The following HEATR5B variants were observed in gnomAD, a reference collection of about 807,000 sequenced individuals.
The protein encoded by HEATR5B is HEAT repeat containing 5B.
In HEATR5B, 156 loss-of-function variants were observed where a neutral mutation model predicts 224.1. That is an observed-to-expected ratio of 0.70 (90% CI 0.61 to 0.80). The LOEUF is 0.80. Ranked by LOEUF, HEATR5B falls within the 30% of genes least tolerant of loss-of-function variation. The probability of loss-of-function intolerance (pLI) is 0.00; values close to 1 mark genes in which losing one functional copy is unlikely to be tolerated. For synonymous variants in HEATR5B, 1,027 were observed against 893.0 expected (o/e 1.15, Z -2.68); for missense variants, 2,323 against 2,535.5 (o/e 0.92, Z 1.80).
At chr2:37,082,669 G>A (rs551059791) in intron 2 of HEATR5B, among the ~76,000 whole-genome samples, 15 of 152,148 alleles carry the variant, frequency 9.9e-5, no homozygotes, top group Non-Finnish European at 1.9e-4. Flanking sequence ...ATACCCCTTC[G>A]TTTCCCATAA....
At chr2:37,064,715 C>A (rs1671483678) in intron 10 of HEATR5B, 25 bp downstream of exon 10, 1 of 1,610,554 alleles carries the variant, frequency 6.2e-7, no homozygotes, top group Non-Finnish European at 8.5e-7. Context: ...TGACAGCATT[C>A]CCAAGTCTAG....
At chr2:37,083,149 A>G in intron 2 of HEATR5B, 140 bp downstream of exon 2, 2 of 902,222 alleles carry the variant, frequency 2.2e-6, no homozygotes, top group Admixed American at 2.2e-5. Context: ...TTTTGCCACT[A>G]AATTTCCCAT....
intron 18 of HEATR5B, among the ~76,000 whole-genome samples, chr2:37,046,446 C>A (rs535589571): frequency 6.6e-6 from 1 of 152,036 alleles, no homozygotes; most frequent in Non-Finnish European, 1.5e-5. Context: ...TGAGACCAGC[C>A]TGGCCAACAT....
Position 37,057,300 on chromosome 2 carries a change from T to C in HEATR5B, c.2223+17A>G, listed in dbSNP as rs1670973974. On this transcript the variant is annotated intron_variant, in intron 15 of 35. Coordinates refer to ENST00000233099, the MANE Select transcript of HEATR5B (RefSeq NM_019024.3). ...TTCAGATTAAGTTAGTATTTCATTT[T>C]CCTCTATGTTTATTACCTGGTCTTC... 1.3e-6 allele frequency: 2 copies of C among 1,566,700 alleles called. No individual in the cohort carries two copies. The highest frequency in any genetic ancestry group is 2.8e-5 in the African/African-American group (2 of 72,614).
Position 37,061,969 on chromosome 2 carries a change from A to G in HEATR5B, c.1666T>C (p.Trp556Arg), listed in dbSNP as rs1671306613. The G allele has an allele frequency of 6.2e-7, 1 of 1,613,722 alleles. No homozygotes were observed. Among genetic ancestry groups the G allele is most frequent in the South Asian group, 1.1e-5 (1 of 91,082 alleles). Residue 556 changes from tryptophan (W) to arginine (R), a missense_variant, in exon 11 of 36, where the codon TGG becomes CGG. Physicochemically the swap from Trp to Arg is moderately radical, Grantham distance 101 (BLOSUM62 -3). Around this residue, in one of 12 missense-constraint regions of HEATR5B, gnomAD observed 502 missense variants for 517.8 expected, o/e 0.97. Coordinates refer to ENST00000233099, the MANE Select transcript of HEATR5B (RefSeq NM_019024.3). ...RLSLQRTQAG[W>R]LLLGALMTLG... Reference sequence around the variant, plus strand: ...GTCATAAGTGCTCCAAGTAAAAGCCAGCCAGCTTGGGTGCGCTGTAAAGAT... The same window carrying G: ...GTCATAAGTGCTCCAAGTAAAAGCCGGCCAGCTTGGGTGCGCTGTAAAGAT...
chr2:37,014,014 T>G lies in HEATR5B; in HGVS notation c.4111A>C (p.Ser1371Arg). The G allele has an allele frequency of 6.4e-7, 1 of 1,564,456 alleles. No homozygotes were observed. Among genetic ancestry groups the G allele is most frequent in the East Asian group, 2.3e-5 (1 of 43,736 alleles). Residue 1371 changes from serine (S) to arginine (R), a missense_variant, in exon 27 of 36, where the codon AGT (serine) becomes CGT (arginine). Ser to Arg is a moderately radical substitution (Grantham distance 110). This residue lies in a region of HEATR5B where 339 missense variants were observed against 378.4 expected (regional missense o/e 0.90). Transcript: ENST00000233099. ...DIIAKACQVC[S>R]TWIGSGVVSD... ...ACAACTCCACTTCCTATCCATGTAC[T>G]ACATACCTAGACAAAGAGAATTCAA...
Position 37,041,132 on chromosome 2 carries a change from C to T in HEATR5B, c.2856+1G>A. 1 of 1,611,248 alleles carries T rather than the reference C, an allele frequency of 6.2e-7. No homozygotes were observed. The highest frequency in any genetic ancestry group is 8.5e-7 in the Non-Finnish European group (1 of 1,178,392). On this transcript the variant is annotated splice_donor_variant, in intron 19 of 35. Transcript: ENST00000233099. LOFTEE classifies it high-confidence loss of function. Reference sequence around the variant, plus strand: ...TAATAAAAAAACCAATTATATTATACCTGGACTTCAGGGGATGTCCCATCT... The same window carrying T: ...TAATAAAAAAACCAATTATATTATATCTGGACTTCAGGGGATGTCCCATCT...
intron 21 of HEATR5B, among the ~76,000 whole-genome samples, chr2:37,034,180 G>C (rs1020910323): frequency 1.3e-5 from 2 of 150,274 alleles, no homozygotes; most frequent in Admixed American, 1.3e-4. Context: ...CTAATTTTTT[G>C]TATTTTTAGT....
At chr2:37,056,394 CATAATAT>C in intron 16 of HEATR5B, 39 bp downstream of exon 16, 1 of 1,376,682 alleles carries the variant, frequency 7.3e-7, no homozygotes, top group African/African-American at 1.5e-5. Context: ...TTTCGTTTAA[CATAATAT>C]ATATTTAACA....
At chr2:37,066,132 C>T (rs1169777729) in intron 8 of HEATR5B, among the ~76,000 whole-genome samples, 1 of 152,164 alleles carries the variant, frequency 6.6e-6, no homozygotes, top group Non-Finnish European at 1.5e-5. Context: ...TGAGATACAT[C>T]TTTGCTTCCA....
chr2:37,072,280 C>T lies in HEATR5B; in HGVS notation c.599G>A (p.Cys200Tyr). The change falls in exon 6 of 36, where the codon TGT (cysteine) becomes TAT (tyrosine). Residue 200 changes from cysteine (C) to tyrosine (Y), a missense_variant and splice_region_variant. Physicochemically the swap from Cys to Tyr is radical, Grantham distance 194. Transcript: ENST00000233099. ...SMAVRCAVAK[C>Y]LLELQNEAVF... ...AGCTTCATTCTGTAGTTCTAGTAGA[C>T]ACTGGAATTAAAAACAAAAAAGTAA... 3.1e-6 allele frequency: 5 copies of T among 1,595,816 alleles called. No homozygotes were observed. Among genetic ancestry groups the T allele is most frequent in the Non-Finnish European group, 4.3e-6 (5 of 1,168,236 alleles).
intron 21 of HEATR5B, among the ~76,000 whole-genome samples, chr2:37,033,385 T>C (rs182955071): frequency 7.2e-5 from 11 of 152,304 alleles, no homozygotes; most frequent in Non-Finnish European, 7.3e-5. Flanking sequence ...TCCAGAAGGA[T>C]CTTCTGCACA....
At chr2:37,078,927 T>C (rs1203253963) in intron 3 of HEATR5B, among the ~76,000 whole-genome samples, 193 bp downstream of exon 3, 1 of 152,186 alleles carries the variant, frequency 6.6e-6, no homozygotes, top group Non-Finnish European at 1.5e-5. Flanking sequence ...ATATTCCCAT[T>C]TGTATTCCAG....
intron 32 of HEATR5B, among the ~76,000 whole-genome samples, chr2:37,001,256 G>C (rs569923823): frequency 6.6e-5 from 10 of 152,176 alleles, no homozygotes; most frequent in South Asian, 6.2e-4. Context: ...GAAAGTAAAA[G>C]GACTACTGGG....
intron 26 of HEATR5B, among the ~76,000 whole-genome samples, chr2:37,017,687 C>CAAAAAAAAAAA (rs1056240189): frequency 1.6e-5 from 1 of 61,696 alleles, no homozygotes; most frequent in Non-Finnish European, 2.9e-5. Flanking sequence ...AATTCCGTCT[C>CAAAAAAAAAAA]AAAAAAAAAA....
Position 37,005,766 on chromosome 2 carries a change from T to C in HEATR5B, c.4778-7A>G, listed in dbSNP as rs6708710. 19,917 of 1,562,148 alleles carry C rather than the reference T, an allele frequency of 0.013. 2,276 individuals are homozygous for C. The African/African-American group carries it at 0.24, about 19-fold the overall frequency. ...AGAAACTGTATACTCACACCTGAAATGCACAAAATAAAAACATGTTTTTTC... is the reference window on the plus strand; with the variant it reads ...AGAAACTGTATACTCACACCTGAAACGCACAAAATAAAAACATGTTTTTTC... On this transcript the variant is annotated splice_polypyrimidine_tract_variant and splice_region_variant and intron_variant, in intron 29 of 35. Coordinates refer to ENST00000233099, the MANE Select transcript of HEATR5B (RefSeq NM_019024.3).
intron 26 of HEATR5B, among the ~76,000 whole-genome samples, chr2:37,018,148 G>A (rs969431335): frequency 5.3e-5 from 8 of 151,744 alleles, no homozygotes; most frequent in Non-Finnish European, 1.2e-4. Flanking sequence ...CAGAAGGAAA[G>A]GAGGTCACAA....
At chr2:37,030,187 G>C (rs1442525423) in intron 22 of HEATR5B, among the ~76,000 whole-genome samples, 1 of 152,108 alleles carries the variant, frequency 6.6e-6, no homozygotes, top group Non-Finnish European at 1.5e-5. Context: ...GAACTGAAAG[G>C]TAACTATTTT....
At position 36,988,812 on chromosome 2, in the gene HEATR5B, G is replaced by A; in HGVS notation, c.5745C>T (p.Ser1915=). ...TATAAGGAGTTGAAAGGGCACGATT[G>A]GAATGCTGGAAGACTGAGAGGAGAA... The part of the protein sequence containing the change: ...YQLLLSVFQH[S]NRALSTPYIH... Residue 1915 remains serine (S), a synonymous_variant, in exon 35 of 36, where the codon TCC becomes TCT. Transcript: ENST00000233099. The A allele has an allele frequency of 6.2e-7, 1 of 1,614,082 alleles. No homozygotes were observed. Among genetic ancestry groups the A allele is most frequent in the South Asian group, 1.1e-5 (1 of 91,082 alleles).
Sources: gnomAD v4.1 joint callset for allele counts (sites outside exome capture counted in the v4.1 genomes callset) on GRCh38, gnomAD v4.1.1 for gene constraint, gnomAD v4.1.1 regional missense constraint, MANE v1.5 for transcripts, NCBI Gene and HGNC (gene_info 2026-07-23, HGNC 2026-07-21) for gene names.